The following RD3 variants were observed in gnomAD, a reference collection of about 807,000 sequenced individuals.
RD3 encodes protein RD3.
In RD3, 11 loss-of-function variants were observed where a neutral mutation model predicts 16.9. That is an observed-to-expected ratio of 0.65 (90% CI 0.41 to 1.08). The LOEUF (loss-of-function observed/expected upper bound fraction) is 1.08, where lower values mean the gene tolerates loss of function less well. RD3 is among the 50% of genes least tolerant of loss of function. The pLI is 0.00. For synonymous variants in RD3, 116 were observed against 114.8 expected, an observed-to-expected ratio of 1.01 and a Z score of -0.07; for missense variants, 274 against 267.4, an observed-to-expected ratio of 1.02 and a Z score of -0.17.
At chr1:211,482,612 C>T (rs1705298334) in intron 1 of RD3, among the ~76,000 whole-genome samples, 1 of 151,792 alleles carries the variant, frequency 6.6e-6, no homozygotes, top group Non-Finnish European at 1.5e-5. Context: ...AGCAGCGAGC[C>T]TAACTCATCA....
chr1:211,479,128 T>C lies in RD3; in HGVS notation c.496A>G (p.Ile166Val), dbSNP rs753310178. The C allele has an allele frequency of 6.2e-7, 1 of 1,612,682 alleles. No homozygotes were observed. The highest frequency in any genetic ancestry group is 8.5e-7 in the Non-Finnish European group (1 of 1,179,634). The change falls in exon 3 of 3, where the codon ATC (isoleucine) becomes GTC (valine). Residue 166 changes from isoleucine (I) to valine (V), a missense_variant. Transcript: ENST00000680073. ...RARISPFASD[I>V]RTISEDVERD... is the part of the protein sequence containing the mutation. ...TCCACGTCCTCGGAGATGGTCCTGA[T>C]GTCGCTGGCGAAGGGCGAGATGCGC...
At chr1:211,484,999 C>T (rs1223919369) in intron 1 of RD3, among the ~76,000 whole-genome samples, 2 of 152,214 alleles carry the variant, frequency 1.3e-5, no homozygotes, top group African/African-American at 4.8e-5. Flanking sequence ...AGCCTGACCT[C>T]GAAGGGAAGT....
intron 1 of RD3, among the ~76,000 whole-genome samples, chr1:211,481,788 A>G (rs1705271950): frequency 6.6e-6 from 1 of 152,086 alleles, no homozygotes; most frequent in African/African-American, 2.4e-5. Flanking sequence ...CACATGGACT[A>G]TGGCTGAGCA....
At chr1:211,481,973 A>G (rs1195607248) in intron 1 of RD3, among the ~76,000 whole-genome samples, 1 of 152,222 alleles carries the variant, frequency 6.6e-6, no homozygotes, top group Non-Finnish European at 1.5e-5. Context: ...CTGCAATCCC[A>G]ATACTTTGGG....
Position 211,479,159 on chromosome 1 carries a change from G to T in RD3, c.465C>A (p.Thr155=), listed in dbSNP as rs1419325555. The change falls in exon 3 of 3, where the codon ACC becomes ACA. Residue 155 remains threonine (T), a synonymous_variant. Transcript: ENST00000680073. The part of the protein sequence containing the change: ...RPRGSLATFK[T]RARISPFASD... ...TGGCGAAGGGCGAGATGCGCGCGCGGGTCTTGAAGGTGGCCAGGCTGCCGC... is the reference window on the plus strand; with the variant it reads ...TGGCGAAGGGCGAGATGCGCGCGCGTGTCTTGAAGGTGGCCAGGCTGCCGC... 1.9e-6 allele frequency: 3 copies of T among 1,612,954 alleles called. No homozygotes were observed. Among genetic ancestry groups the T allele is most frequent in the Admixed American group, 3.3e-5 (2 of 59,934 alleles).
rs146830135 is a variant in RD3, at chr1:211,489,961, C to T, written c.-12+1807G>A. 2.3e-3 allele frequency among the ~76,000 whole-genome samples: 344 copies of T among 152,308 alleles called. 3 individuals are homozygous for T. The highest frequency in any genetic ancestry group is 7.3e-3 in the African/African-American group (304 of 41,558). On this transcript the variant is annotated intron_variant, in intron 1 of 2. Coordinates refer to ENST00000680073, the MANE Select transcript of RD3 (RefSeq NM_001164688.2). ...TCTCTGATCTTCTCTTTCCTCTTTC[C>T]TTTCTCCTTCATTACCCCTTCCACC...
intron 2 of RD3, 126 bp downstream of exon 2, chr1:211,480,994 C>T: frequency 1.0e-6 from 1 of 1,000,898 alleles, no homozygotes; most frequent in Admixed American, 2.0e-5. Flanking sequence ...CCCTCTTGCT[C>T]CTTCTAACAG....
At chr1:211,491,076 GC>G (rs1008617349) in intron 1 of RD3, among the ~76,000 whole-genome samples, 2 of 152,200 alleles carry the variant, frequency 1.3e-5, no homozygotes, top group African/African-American at 4.8e-5. Flanking sequence ...CCAGGAGAGG[GC>G]GTGTACACAG....
chr1:211,481,887 G>A (rs1204186083), intron 1 of RD3, among the ~76,000 whole-genome samples: 1 of 152,084 alleles, frequency 6.6e-6, no homozygotes, highest in Admixed American at 6.5e-5. Context: ...AACACCCTCA[G>A]CTTCTAAATG....
At chr1:211,489,920 G>A (rs1055804139) in intron 1 of RD3, among the ~76,000 whole-genome samples, 5 of 152,102 alleles carry the variant, frequency 3.3e-5, no homozygotes, top group African/African-American at 4.8e-5. Flanking sequence ...ACTCACCCAC[G>A]CCCGTTATCT....
chr1:211,485,707 G>A lies in RD3; in HGVS notation c.-11-4281C>T, dbSNP rs542249475. Among the ~76,000 whole-genome samples, 59 of 152,300 alleles carry A rather than the reference G, an allele frequency of 3.9e-4. 1 individual carries two copies. The South Asian group carries it at 0.011, about 29-fold the overall frequency. The stretch of plus-strand genomic sequence containing the variant: ...CCACCGTGGCAGAGCCAACTCCTCA[G>A]TGTAAGCCCCAAGGCCCCCGCACTT... On this transcript the variant is annotated intron_variant, in intron 1 of 2. Transcript: ENST00000680073.
chr1:211,481,213 C>A lies in RD3; in HGVS notation c.203G>T (p.Arg68Leu). ...AATGGGGCTGAGGTCATAGGTGGAC[C>A]GGGGTGTGCTGGCCAGCCAGCTGTA... Reference protein sequence around the residue: ...VDYSWLASTPRSTYDLSPIER... With the variant: ...VDYSWLASTPLSTYDLSPIER... The change falls in exon 2 of 3, where the codon CGG (arginine) becomes CTG (leucine). Residue 68 changes from arginine to leucine, a missense_variant. Physicochemically the swap from Arg to Leu is moderately radical, Grantham distance 102 (BLOSUM62 -2). Transcript: ENST00000680073. The A allele has an allele frequency of 6.2e-7, 1 of 1,614,232 alleles. No individual in the cohort carries two copies. Among genetic ancestry groups the A allele is most frequent in the Non-Finnish European group, 8.5e-7 (1 of 1,180,040 alleles).
At chr1:211,491,030 G>T (rs1316024302) in intron 1 of RD3, among the ~76,000 whole-genome samples, 6 of 152,236 alleles carry the variant, frequency 3.9e-5, no homozygotes, top group African/African-American at 1.4e-4. Flanking sequence ...TGAGTGAATG[G>T]CAGCCAGTCC....
In RD3 at chr1:211,491,365, A is replaced by C. The variant is rs188954759; in HGVS notation, c.-12+403T>G. On this transcript the variant is annotated intron_variant, in intron 1 of 2. Transcript: ENST00000680073. ...ATCACAGTTCGCAAACCCATGCAAG[A>C]GTCTCTGATTTGGGTTTCGCTTTCC... 3.3e-3 allele frequency among the ~76,000 whole-genome samples: 508 copies of C among 152,290 alleles called. 2 individuals carry two copies. Among genetic ancestry groups the C allele is most frequent in the Non-Finnish European group, 5.4e-3 (364 of 68,036 alleles).
At chr1:211,481,852 A>T (rs899323706) in intron 1 of RD3, among the ~76,000 whole-genome samples, 11 of 151,292 alleles carry the variant, frequency 7.3e-5, no homozygotes, top group Non-Finnish European at 1.2e-4. Context: ...CAGAACAGAT[A>T]CATCCTATGT....
intron 1 of RD3, among the ~76,000 whole-genome samples, chr1:211,487,072 C>A (rs1705389069): frequency 6.6e-6 from 1 of 152,168 alleles, no homozygotes; most frequent in East Asian, 1.9e-4. Flanking sequence ...GCCTCGTGGT[C>A]TCTCTGGCCC....
intron 1 of RD3, among the ~76,000 whole-genome samples, chr1:211,483,635 T>A (rs562274171): frequency 6.6e-6 from 1 of 150,728 alleles, no homozygotes; most frequent in South Asian, 2.1e-4. Context: ...AGCCCTTACC[T>A]GCTTTATGTG....
intron 2 of RD3, 77 bp downstream of exon 2, chr1:211,481,043 T>A: frequency 6.1e-6 from 9 of 1,474,826 alleles, no homozygotes; most frequent in East Asian, 2.4e-5. Context: ...CTAGTCCTGG[T>A]GGCCTCAGGC....
intron 1 of RD3, among the ~76,000 whole-genome samples, chr1:211,482,202 A>G (rs976159563): frequency 7.4e-5 from 11 of 149,194 alleles, no homozygotes; most frequent in African/African-American, 2.7e-4. Flanking sequence ...AGCCTGGGCA[A>G]AAAGAGCAAA....
Sources: gnomAD v4.1 joint callset for allele counts (sites outside exome capture counted in the v4.1 genomes callset) on GRCh38, gnomAD v4.1.1 for gene constraint, MANE v1.5 for transcripts, NCBI Gene and HGNC (gene_info 2026-07-23, HGNC 2026-07-21) for gene names.